EPM2A: variants seen among roughly 807,000 people sequenced by gnomAD.
EPM2A encodes laforin.
In EPM2A, 21 loss-of-function variants were observed where a neutral mutation model predicts 26.5. The ratio of observed to expected loss-of-function variants is 0.79; its 90% CI spans 0.56 to 1.14. The LOEUF is 1.14. EPM2A is among the 50% of genes most tolerant of loss of function. EPM2A has a pLI of 0.00. For missense variants in EPM2A, 458 were observed against 440.8 expected, an observed-to-expected ratio of 1.04 and a Z score of -0.35; for synonymous variants, 217 against 177.6, an observed-to-expected ratio of 1.22 and a Z score of -1.76.
intron 4 of EPM2A, among the ~76,000 whole-genome samples, chr6:145,472,275 A>C (rs1779483630): frequency 6.6e-6 from 1 of 151,782 alleles, no homozygotes; most frequent in African/African-American, 2.4e-5. Context: ...TGGGTCCTAC[A>C]TGGAGGGCCC....
At chr6:145,489,524 T>C in intron 4 of EPM2A, 1 of 613,786 alleles carries the variant, frequency 1.6e-6, no homozygotes, top group South Asian at 2.1e-5. Context: ...CAACAACAAA[T>C]AGCTTAACTT....
intron 2 of EPM2A, among the ~76,000 whole-genome samples, chr6:145,601,215 G>A (rs1781412727): frequency 6.6e-6 from 1 of 152,014 alleles, no homozygotes; most frequent in Admixed American, 6.6e-5. Flanking sequence ...AATAATATAA[G>A]GTATAACCTT....
At chr6:145,561,586 T>G (rs1780805244) in intron 2 of EPM2A, among the ~76,000 whole-genome samples, 2 of 152,146 alleles carry the variant, frequency 1.3e-5, no homozygotes, top group South Asian at 4.1e-4. Context: ...TTATAAATGA[T>G]AGCCATGAGT....
At chr6:145,471,973 C>T (rs1246557744) in intron 4 of EPM2A, among the ~76,000 whole-genome samples, 1 of 151,190 alleles carries the variant, frequency 6.6e-6, no homozygotes, top group Non-Finnish European at 1.5e-5. Flanking sequence ...ACTGCAGGCA[C>T]AGCTCAGTTG....
At chr6:145,659,958 G>T (rs1346858549) in intron 2 of EPM2A, among the ~76,000 whole-genome samples, 1 of 152,084 alleles carries the variant, frequency 6.6e-6, no homozygotes, top group Non-Finnish European at 1.5e-5. Flanking sequence ...ATGTAGCAGA[G>T]TCGCTTTGAA....
chr6:145,493,836 T>C (rs1433505976), intron 4 of EPM2A, among the ~76,000 whole-genome samples: 1 of 152,254 alleles, frequency 6.6e-6, no homozygotes, highest in Non-Finnish European at 1.5e-5. Context: ...GGATGAAGCC[T>C]AGCTCATCAT....
At chr6:145,689,976 A>G (rs968553975) in intron 1 of EPM2A, among the ~76,000 whole-genome samples, 1 of 151,906 alleles carries the variant, frequency 6.6e-6, no homozygotes, top group Non-Finnish European at 1.5e-5. Context: ...CCTCCTTCCC[A>G]CCCGACCATC....
intron 4 of EPM2A, among the ~76,000 whole-genome samples, chr6:145,456,594 C>G (rs1779265321): frequency 6.6e-6 from 1 of 151,978 alleles, no homozygotes; most frequent in African/African-American, 2.4e-5. Flanking sequence ...CCATTTTTTT[C>G]TCTTAATGAA....
In EPM2A at chr6:145,627,356, G is replaced by T; in HGVS notation, c.*60C>A. ...TAGAATCCTTGTTTCTAGGTCATTTGACCAACATCATCCCAGGCTCCTTAG... is the reference window on the plus strand; with the variant it reads ...TAGAATCCTTGTTTCTAGGTCATTTTACCAACATCATCCCAGGCTCCTTAG... On this transcript the variant is annotated 3_prime_UTR_variant, in exon 4 of 4. Coordinates refer to ENST00000367519, the MANE Select transcript of EPM2A (RefSeq NM_005670.4). 2 of 1,609,822 alleles carry T rather than the reference G, an allele frequency of 1.2e-6. No homozygotes were observed. The highest frequency in any genetic ancestry group is 2.2e-5 in the South Asian group (2 of 90,700).
At chr6:145,663,588 C>A (rs1462696790) in intron 2 of EPM2A, among the ~76,000 whole-genome samples, 2 of 151,866 alleles carry the variant, frequency 1.3e-5, no homozygotes, top group African/African-American at 4.8e-5. Context: ...GGAAAACACT[C>A]TGCAGGATAT....
chr6:145,623,981 C>A (rs1175127470), downstream of EPM2A, among the ~76,000 whole-genome samples: 1 of 152,190 alleles, frequency 6.6e-6, no homozygotes, highest in Non-Finnish European at 1.5e-5. Flanking sequence ...ACTTTCAGAG[C>A]AACGACTTAG....
chr6:145,529,768 T>C (rs1198004858), intron 2 of EPM2A, among the ~76,000 whole-genome samples: 1 of 152,192 alleles, frequency 6.6e-6, no homozygotes, highest in Non-Finnish European at 1.5e-5. Flanking sequence ...GCATTGATAC[T>C]GCTCAGGCCA....
intron 4 of EPM2A, among the ~76,000 whole-genome samples, chr6:145,485,109 G>A (rs896937602): frequency 6.6e-6 from 1 of 151,280 alleles, no homozygotes; most frequent in Non-Finnish European, 1.5e-5. Context: ...TGAAACAGTG[G>A]GTTCCCCAGC....
intron 2 of EPM2A, among the ~76,000 whole-genome samples, chr6:145,511,314 A>G (rs1453937122): frequency 6.6e-6 from 1 of 152,110 alleles, no homozygotes; most frequent in Non-Finnish European, 1.5e-5. Context: ...ACAGAAAACA[A>G]CAGGCAAATA....
intron 2 of EPM2A, among the ~76,000 whole-genome samples, chr6:145,603,462 T>C (rs1173326767): frequency 6.6e-6 from 1 of 152,176 alleles, no homozygotes; most frequent in African/African-American, 2.4e-5. Flanking sequence ...CATTTTTATG[T>C]GATTAATTGA....
chr6:145,653,190 C>A (rs1205990194), intron 2 of EPM2A, among the ~76,000 whole-genome samples: 1 of 152,310 alleles, frequency 6.6e-6, no homozygotes, highest in Non-Finnish European at 1.5e-5. Flanking sequence ...GAAGGAGGGA[C>A]CTGTAATCCC....
At chr6:145,686,833 A>G (rs1412046557) in intron 1 of EPM2A, 1 of 161,182 alleles carries the variant, frequency 6.2e-6, no homozygotes, top group Non-Finnish European at 1.4e-5. Context: ...AATGAGGAAA[A>G]CAAGTCTCAC....
intron 2 of EPM2A, among the ~76,000 whole-genome samples, chr6:145,684,173 C>T (rs985647463): frequency 4.0e-5 from 6 of 151,678 alleles, no homozygotes; most frequent in Non-Finnish European, 7.4e-5. Context: ...AAAAAATAAT[C>T]GATAGTTGAA....
chr6:145,644,095 T>C (rs1777279878), intron 2 of EPM2A, among the ~76,000 whole-genome samples: 5 of 152,164 alleles, frequency 3.3e-5, no homozygotes, highest in Non-Finnish European at 2.9e-5. Context: ...TATTATCATA[T>C]TATTATACAT....
Sources: allele counts gnomAD v4.1 joint callset (sites outside exome capture counted in the v4.1 genomes callset), GRCh38; gene constraint gnomAD v4.1.1; transcripts MANE v1.5; gene names NCBI Gene and HGNC (gene_info 2026-07-23, HGNC 2026-07-21).